DENND6A: variants seen among roughly 807,000 people sequenced by gnomAD.
DENND6A encodes the protein protein DENND6A.
DENND6A carries 43 observed loss-of-function variants against 95.5 expected under a neutral mutation model. That is an observed-to-expected ratio of 0.45 (90% CI 0.35 to 0.58). DENND6A has a LOEUF of 0.58. DENND6A is among the 20% of genes least tolerant of loss of function. DENND6A has a pLI of 0.00. For missense variants in DENND6A, 574 were observed against 736.0 expected (o/e 0.78, Z 2.55); for synonymous variants, 257 against 260.4 (o/e 0.99, Z 0.13).
At chr3:57,645,799 T>A (rs1448305443) in intron 10 of DENND6A, 43 bp from the exon 11 acceptor site, 1 of 1,432,024 alleles carries the variant, frequency 7.0e-7, no homozygotes. Flanking sequence ...ACACAGAAAT[T>A]AAAGGTCCTA....
At position 57,657,518 on chromosome 3, in the gene DENND6A, A is replaced by G. The variant is rs976239256; in HGVS notation, c.818+162T>C. The G allele has an allele frequency of 1.0e-4, 45 of 448,192 alleles. No individual in the cohort carries two copies. In the South Asian group the frequency reaches 1.2e-3, roughly 12 times the overall value. 27.8% of individuals were successfully genotyped at this position (448,192 alleles called of 1,614,324 possible). ...TAAATTTCCCTAATTGTCAAAGCTT[A>G]TAACATGTACCCAGGGATGAACCAT... On this transcript the variant is annotated intron_variant, in intron 9 of 19. Transcript: ENST00000311128.
Position 57,657,695 on chromosome 3 carries a change from T to G in DENND6A, c.803A>C (p.Glu268Ala). ...NISVILPTVH[E>A]VDIFRCFCPV... ...TATTCTTTACCTGAAAATATCCACC[T>G]CATGAACAGTAGGTAAAATAACAGA... Residue 268 changes from glutamate to alanine, a missense_variant, in exon 9 of 20, where the codon GAG becomes GCG. By Grantham distance (107) the Glu-to-Ala change is moderately radical. Coordinates refer to ENST00000311128, the MANE Select transcript of DENND6A (RefSeq NM_152678.3). 6.3e-7 allele frequency: 1 copy of G among 1,581,510 alleles called. No homozygotes were observed. Among genetic ancestry groups the G allele is most frequent in the Non-Finnish European group, 8.6e-7 (1 of 1,157,478 alleles).
At chr3:57,675,245 A>T (rs2071690414) in intron 1 of DENND6A, among the ~76,000 whole-genome samples, 2 of 152,232 alleles carry the variant, frequency 1.3e-5, no homozygotes, top group Admixed American at 6.5e-5. Flanking sequence ...AGGTAAAAAA[A>T]GTTTTTGGTT....
intron 9 of DENND6A, 30 bp from the exon 10 acceptor site, chr3:57,646,468 T>A (rs1278306748): frequency 5.1e-6 from 8 of 1,581,260 alleles, no homozygotes; most frequent in Non-Finnish European, 6.9e-6. Context: ...AGAAATACTT[T>A]TTAATGTAGC....
chr3:57,692,520 G>T (rs1444681613), intron 1 of DENND6A, among the ~76,000 whole-genome samples: 1 of 152,068 alleles, frequency 6.6e-6, no homozygotes, highest in African/African-American at 2.4e-5. Context: ...GCGTTTAAAA[G>T]AAATAAAGAA....
chr3:57,674,649 TAA>T (rs1050913888), intron 1 of DENND6A, among the ~76,000 whole-genome samples: 14 of 151,974 alleles, frequency 9.2e-5, no homozygotes, highest in African/African-American at 3.4e-4. Context: ...AAAAAATAAA[TAA>T]ATAAGATAAA....
chr3:57,675,742 C>T (rs1479979459), intron 1 of DENND6A, among the ~76,000 whole-genome samples: 1 of 152,184 alleles, frequency 6.6e-6, no homozygotes, highest in African/African-American at 2.4e-5. Context: ...CAACCAAACT[C>T]TATGTTATAA....
intron 7 of DENND6A, among the ~76,000 whole-genome samples, chr3:57,659,385 C>CA (rs1305277778): frequency 1.3e-5 from 2 of 151,624 alleles, no homozygotes; most frequent in Non-Finnish European, 3.0e-5. Context: ...CCCACACACA[C>CA]ACAGTAATCA....
Position 57,692,869 on chromosome 3 carries a change from C to T in DENND6A, c.150G>A (p.Arg50=). The change falls in exon 1 of 20, where the codon CGG becomes CGA. Residue 50 remains arginine, a synonymous_variant. Transcript: ENST00000311128. ...AGAAGCTGTCCCAGCGCAGCAGGCC[C>T]CGGCCACGGCCATCGTCCTCTTCAT... is the stretch of plus-strand genomic sequence containing the variant. ...EDDEEDDGRG[R]GLLRWDSFSA... 3.2e-6 allele frequency: 5 copies of T among 1,585,850 alleles called. No individual in the cohort carries two copies. Among genetic ancestry groups the T allele is most frequent in the Non-Finnish European group, 4.3e-6 (5 of 1,170,052 alleles).
At chr3:57,656,315 C>T (rs533542026) in intron 9 of DENND6A, among the ~76,000 whole-genome samples, 1 of 152,266 alleles carries the variant, frequency 6.6e-6, no homozygotes, top group Admixed American at 6.5e-5. Flanking sequence ...TAGCATAATG[C>T]TTTTGGAAGT....
Position 57,646,372 on chromosome 3 carries a change from A to G in DENND6A, c.885T>C (p.Leu295=). ...LWELVLLGEP[L]VVMAPSPSES... The stretch of plus-strand genomic sequence containing the variant: ...CCGATGGTGATGGCGCCATAACCAC[A>G]AGGGGCTCCCCCAACAGCACCAGCT... Residue 295 remains leucine, a synonymous_variant, in exon 10 of 20, where the codon CTT becomes CTC. Transcript: ENST00000311128. 6.2e-7 allele frequency: 1 copy of G among 1,614,056 alleles called. No homozygotes were observed. Among genetic ancestry groups the G allele is most frequent in the Non-Finnish European group, 8.5e-7 (1 of 1,179,928 alleles).
chr3:57,684,539 T>G (rs371428836), intron 1 of DENND6A, among the ~76,000 whole-genome samples: 1 of 152,014 alleles, frequency 6.6e-6, no homozygotes, highest in East Asian at 1.9e-4. Flanking sequence ...GCAGGTGGAC[T>G]GTGGGAGGCT....
intron 11 of DENND6A, among the ~76,000 whole-genome samples, chr3:57,643,864 T>C (rs995008749): frequency 3.4e-4 from 51 of 148,034 alleles, no homozygotes; most frequent in African/African-American, 1.3e-3. Flanking sequence ...TAATTATCAG[T>C]CTGGGCCAGG....
intron 11 of DENND6A, among the ~76,000 whole-genome samples, 154 bp from the exon 12 acceptor site, chr3:57,641,901 AC>A (rs2070950201): frequency 1.3e-5 from 2 of 152,158 alleles, no homozygotes; most frequent in South Asian, 4.1e-4. Flanking sequence ...GCCAGGCAAC[AC>A]GTTTTACACT....
chr3:57,641,188 TTA>T (rs1559808405), intron 12 of DENND6A, among the ~76,000 whole-genome samples: 4 of 144,676 alleles, frequency 2.8e-5, no homozygotes, highest in African/African-American at 1.0e-4. Flanking sequence ...AAATATATAT[TTA>T]TATATATTTA....
intron 15 of DENND6A, among the ~76,000 whole-genome samples, chr3:57,632,691 G>A (rs2070712289): frequency 6.6e-6 from 1 of 151,922 alleles, no homozygotes; most frequent in Non-Finnish European, 1.5e-5. Context: ...TCCAGAGCAG[G>A]GCCACATCAT....
In DENND6A at chr3:57,630,518, A is replaced by G; in HGVS notation, c.1523T>C (p.Phe508Ser). ...KGDWIGLYRH[F>S]LKSPNFDGWF... ...GCCATCAAAATTTGGAGACTTTAGGAAATGCCTATAAAAATACATTTTAAA... is the reference window on the plus strand; with the variant it reads ...GCCATCAAAATTTGGAGACTTTAGGGAATGCCTATAAAAATACATTTTAAA... Residue 508 changes from phenylalanine to serine, a missense_variant, in exon 18 of 20, where the codon TTC becomes TCC. By Grantham distance (155) the Phe-to-Ser change is radical. Around this residue, in one of 2 missense-constraint regions of DENND6A, gnomAD observed 452 missense variants for 630.9 expected, o/e 0.72. Coordinates refer to ENST00000311128, the MANE Select transcript of DENND6A (RefSeq NM_152678.3). The G allele has an allele frequency of 1.3e-6, 2 of 1,586,516 alleles. No homozygotes were observed. Among genetic ancestry groups the G allele is most frequent in the Non-Finnish European group, 1.7e-6 (2 of 1,173,898 alleles).
chr3:57,671,529 CAAA>C (rs903037390), intron 3 of DENND6A, among the ~76,000 whole-genome samples: 1 of 115,132 alleles, frequency 8.7e-6, no homozygotes, highest in African/African-American at 3.2e-5. Context: ...GACTCCATCT[CAAA>C]AAAAAAAAAA....
chr3:57,641,189 T>C (rs2070922370), intron 12 of DENND6A, among the ~76,000 whole-genome samples: 1 of 144,904 alleles, frequency 6.9e-6, no homozygotes, highest in Admixed American at 7.1e-5. Context: ...AATATATATT[T>C]ATATATATTT....
Sources: gnomAD v4.1 joint callset for allele counts (sites outside exome capture counted in the v4.1 genomes callset) on GRCh38, gnomAD v4.1.1 for gene constraint, gnomAD v4.1.1 regional missense constraint, MANE v1.5 for transcripts, NCBI Gene and HGNC (gene_info 2026-07-23, HGNC 2026-07-21) for gene names.